BCAR3: variants seen among roughly 807,000 people sequenced by gnomAD.
The protein encoded by BCAR3 is breast cancer anti-estrogen resistance protein 3.
Under a neutral mutation model 80.1 loss-of-function variants are expected in BCAR3, and 37 were observed. That is an observed-to-expected ratio of 0.46 (90% confidence interval 0.36 to 0.61). The LOEUF (loss-of-function observed/expected upper bound fraction) is 0.61, where lower values mean the gene tolerates loss of function less well. BCAR3 is among the 20% of genes least tolerant of loss of function. The pLI, the probability that BCAR3 is intolerant of heterozygous loss-of-function variation, is 0.00. For missense variants in BCAR3, 978 were observed against 1,068.2 expected (o/e 0.92, Z 1.18); for synonymous variants, 389 against 418.9 (o/e 0.93, Z 0.87).
At chr1:93,759,502 T>A (rs1557678685) in intron 2 of BCAR3, among the ~76,000 whole-genome samples, 2 of 152,254 alleles carry the variant, frequency 1.3e-5, no homozygotes, top group East Asian at 1.9e-4. Context: ...AAGGAGTGTG[T>A]GGAGCAGAGA....
intron 3 of BCAR3, among the ~76,000 whole-genome samples, chr1:93,615,873 C>T (rs748115544): frequency 2.0e-5 from 3 of 152,070 alleles, no homozygotes; most frequent in Non-Finnish European, 4.4e-5. Context: ...TAAAAACCTC[C>T]CCAAGAGGCT....
At chr1:93,572,606 C>T (rs544441909) in intron 8 of BCAR3, among the ~76,000 whole-genome samples, 1 of 152,350 alleles carries the variant, frequency 6.6e-6, no homozygotes, top group African/African-American at 2.4e-5. Context: ...TGGGGTCAGT[C>T]TGCGGCAGAA....
intron 3 of BCAR3, among the ~76,000 whole-genome samples, chr1:93,696,799 T>G (rs559477069): frequency 2.6e-5 from 4 of 152,224 alleles, no homozygotes; most frequent in Non-Finnish European, 5.9e-5. Flanking sequence ...TCCCATCCCT[T>G]GCCCAGGCAT....
At chr1:93,815,833 G>A (rs1039159922) in intron 2 of BCAR3, among the ~76,000 whole-genome samples, 1 of 152,296 alleles carries the variant, frequency 6.6e-6, no homozygotes, top group Non-Finnish European at 1.5e-5. Context: ...GGTTTATTAG[G>A]TAGCAACCAC....
chr1:93,810,241 T>C (rs1459400825), intron 2 of BCAR3, among the ~76,000 whole-genome samples: 1 of 151,930 alleles, frequency 6.6e-6, no homozygotes, highest in Non-Finnish European at 1.5e-5. Flanking sequence ...TCCAGGTCTT[T>C]GGTTAACAGA....
At chr1:93,830,630 C>A (rs1428816980) in intron 2 of BCAR3, among the ~76,000 whole-genome samples, 1 of 152,192 alleles carries the variant, frequency 6.6e-6, no homozygotes, top group Non-Finnish European at 1.5e-5. Context: ...GGCCCCACCC[C>A]TATCTCCCTT....
intron 3 of BCAR3, among the ~76,000 whole-genome samples, chr1:93,700,731 CT>C (rs1649610211): frequency 6.6e-6 from 1 of 152,234 alleles, no homozygotes; most frequent in African/African-American, 2.4e-5. Flanking sequence ...AATCTTTCCC[CT>C]ACAGGATTCT....
chr1:93,798,006 C>A (rs1434163232), intron 2 of BCAR3, among the ~76,000 whole-genome samples: 3 of 152,176 alleles, frequency 2.0e-5, no homozygotes, highest in Non-Finnish European at 4.4e-5. Flanking sequence ...CTAGAAGAGG[C>A]TTTCCTGGAT....
chr1:93,615,872 C>T (rs1448841010), intron 3 of BCAR3, among the ~76,000 whole-genome samples: 1 of 152,132 alleles, frequency 6.6e-6, no homozygotes, highest in Non-Finnish European at 1.5e-5. Flanking sequence ...CTAAAAACCT[C>T]CCCAAGAGGC....
rs181313116 is a variant in BCAR3, at chr1:93,647,731, A to G, written c.318-5388T>C. Among the ~76,000 whole-genome samples the G allele has an allele frequency of 9.5e-4, 144 of 152,256 alleles. 1 individual carries two copies. The highest frequency in any genetic ancestry group is 1.8e-4 in the Non-Finnish European group (12 of 68,032). On this transcript the variant is annotated intron_variant, in intron 2 of 11. Coordinates refer to ENST00000260502, the MANE Select transcript of BCAR3 (RefSeq NM_003567.4). ...GTATAAGGTAGCCCCAAACAATGGC[A>G]TCTGAGACCAGCTGTACGATAAAGT...
chr1:93,615,917 G>A (rs1675108726), intron 3 of BCAR3, among the ~76,000 whole-genome samples: 1 of 152,184 alleles, frequency 6.6e-6, no homozygotes, highest in African/African-American at 2.4e-5. Context: ...AGAAAAGGGA[G>A]GGGGGCAGTG....
chr1:93,719,091 GT>G (rs1319490921), intron 2 of BCAR3, among the ~76,000 whole-genome samples: 1 of 151,974 alleles, frequency 6.6e-6, no homozygotes, highest in Non-Finnish European at 1.5e-5. Flanking sequence ...AGAGTTGCAG[GT>G]TTATTAGTTT....
chr1:93,723,923 C>A (rs922455407), intron 2 of BCAR3, among the ~76,000 whole-genome samples: 1 of 152,196 alleles, frequency 6.6e-6, no homozygotes, highest in Admixed American at 6.5e-5. Context: ...TCTCTAATTA[C>A]AAGGAGATGT....
At chr1:93,656,945 C>T (rs1647416382) in intron 2 of BCAR3, among the ~76,000 whole-genome samples, 1 of 152,100 alleles carries the variant, frequency 6.6e-6, no homozygotes, top group African/African-American at 2.4e-5. Context: ...GGCTTCTTTT[C>T]CAGTGTGTAT....
chr1:93,708,843 C>T (rs1557661813), intron 2 of BCAR3, among the ~76,000 whole-genome samples: 3 of 152,306 alleles, frequency 2.0e-5, no homozygotes, highest in Admixed American at 2.0e-4. Flanking sequence ...AGGGCTGTGC[C>T]AAGGACACAG....
intron 3 of BCAR3, among the ~76,000 whole-genome samples, chr1:93,614,428 C>A (rs954150227): frequency 2.6e-5 from 4 of 152,082 alleles, no homozygotes; most frequent in African/African-American, 9.7e-5. Context: ...TACATTCACA[C>A]CACCTTGTTA....
At chr1:93,804,016 T>C (rs1378389246) in intron 2 of BCAR3, among the ~76,000 whole-genome samples, 3 of 152,204 alleles carry the variant, frequency 2.0e-5, no homozygotes. Flanking sequence ...TACATGTCAG[T>C]GAAATATCTG....
At chr1:93,822,708 G>T (rs1654271056) in intron 2 of BCAR3, among the ~76,000 whole-genome samples, 1 of 152,284 alleles carries the variant, frequency 6.6e-6, no homozygotes, top group African/African-American at 2.4e-5. Flanking sequence ...GGAGGAGCAG[G>T]CAGGGACCTG....
At chr1:93,595,322 G>A (rs1262489037) in intron 3 of BCAR3, among the ~76,000 whole-genome samples, 1 of 152,168 alleles carries the variant, frequency 6.6e-6, no homozygotes, top group Non-Finnish European at 1.5e-5. Flanking sequence ...GAAAGAGAGA[G>A]GGAGGAAAAT....
Sources: allele counts gnomAD v4.1 joint callset (sites outside exome capture counted in the v4.1 genomes callset), GRCh38; gene constraint gnomAD v4.1.1; transcripts MANE v1.5; gene names NCBI Gene and HGNC (gene_info 2026-07-23, HGNC 2026-07-21).